The following ZNF138 variants were observed in gnomAD, a reference collection of about 807,000 sequenced individuals.
The protein encoded by ZNF138 is zinc finger protein 138 (clone pHZ-32).
Under a neutral mutation model 33.0 loss-of-function variants are expected in ZNF138, and 33 were observed. That is an observed-to-expected ratio of 1.00 (90% CI 0.76 to 1.34). The LOEUF (loss-of-function observed/expected upper bound fraction) is 1.34. Ranked by LOEUF, ZNF138 falls within the 40% of genes most tolerant of loss-of-function variation. ZNF138 has a pLI of 0.00. For synonymous variants in ZNF138, 139 were observed against 120.4 expected (o/e 1.15, Z -1.01); for missense variants, 360 against 370.8 (o/e 0.97, Z 0.24).
At chr7:64,852,569 C>G in the ZNF138 span, 3 of 1,560,430 alleles carry the variant, frequency 1.9e-6, no homozygotes, top group Non-Finnish European at 2.7e-6. Flanking sequence ...TGCACAGAAC[C>G]GAGCTGTTTG....
the ZNF138 span, among the ~76,000 whole-genome samples, chr7:64,846,239 A>G: frequency 1.3e-5 from 2 of 152,174 alleles, no homozygotes; most frequent in East Asian, 1.9e-4. Flanking sequence ...TGCTTTGGCT[A>G]TGTAAGCTCT....
the ZNF138 span, among the ~76,000 whole-genome samples, chr7:64,848,984 A>G: frequency 6.6e-5 from 10 of 152,124 alleles, no homozygotes; most frequent in East Asian, 3.9e-4. Context: ...GATTACAGGC[A>G]TGAGCCACCA....
chr7:64,804,661 A>G (rs987328966), intron 1 of ZNF138, among the ~76,000 whole-genome samples: 3 of 152,130 alleles, frequency 2.0e-5, no homozygotes, highest in Non-Finnish European at 4.4e-5. Flanking sequence ...CATGCCTGTA[A>G]TCCCAGCTAC....
At chr7:64,842,593 G>A in the ZNF138 span, among the ~76,000 whole-genome samples, 1 of 152,172 alleles carries the variant, frequency 6.6e-6, no homozygotes, top group Non-Finnish European at 1.5e-5. Context: ...TTCTGGAGAT[G>A]ATGGCAACTT....
chr7:64,818,045 T>A (rs922402290), intron 3 of ZNF138, among the ~76,000 whole-genome samples: 11 of 142,102 alleles, frequency 7.7e-5, no homozygotes, highest in African/African-American at 2.9e-4. Context: ...CAGGCTGGAG[T>A]GCAGCAGTAC....
At chr7:64,845,689 T>A in the ZNF138 span, among the ~76,000 whole-genome samples, 1 of 152,378 alleles carries the variant, frequency 6.6e-6, no homozygotes, top group Non-Finnish European at 1.5e-5. Context: ...ATGTTGAGCA[T>A]TTTTTCATAT....
At chr7:64,810,989 T>C (rs573270316) in intron 1 of ZNF138, among the ~76,000 whole-genome samples, 1 of 152,354 alleles carries the variant, frequency 6.6e-6, no homozygotes, top group East Asian at 1.9e-4. Flanking sequence ...CAACCTGTTT[T>C]CTATTCTTGG....
the ZNF138 span, among the ~76,000 whole-genome samples, chr7:64,843,799 C>T: frequency 2.0e-5 from 3 of 151,548 alleles, no homozygotes; most frequent in African/African-American, 7.3e-5. Flanking sequence ...TCTTTTGATT[C>T]CCTGGAATTT....
intron 1 of ZNF138, among the ~76,000 whole-genome samples, chr7:64,809,231 C>A (rs1256246745): frequency 1.1e-5 from 1 of 92,194 alleles, no homozygotes; most frequent in African/African-American, 4.0e-5. Context: ...CCCCACCTCC[C>A]TCCCGGGTGG....
At chr7:64,810,517 G>A (rs1390427098) in intron 1 of ZNF138, among the ~76,000 whole-genome samples, 1 of 150,482 alleles carries the variant, frequency 6.6e-6, no homozygotes, top group Non-Finnish European at 1.5e-5. Context: ...TACTTATTTG[G>A]CTTCCAATAA....
Position 64,794,445 on chromosome 7 carries a change from GCTGCAGGTCT to G in ZNF138, c.-123_-114del. On this transcript the variant is annotated 5_prime_UTR_variant, in exon 1 of 4. Coordinates refer to ENST00000307355, the MANE Select transcript of ZNF138 (RefSeq NM_001271639.2). ...GGGTCTTTGTCTCGCTGCAGCGGGT[GCTGCAGGTCT>G]GGCCTTCACTTTTCTGCGTCCTCTT... 1 of 1,283,120 alleles carries G rather than the reference GCTGCAGGTCT, an allele frequency of 7.8e-7. No individual in the cohort carries two copies. The allele number at this position is 1,283,120 out of a possible 1,614,324, so 79.5% of individuals were successfully genotyped here.
chr7:64,831,223 G>A, intron 3 of ZNF138: 1 of 1,201,336 alleles, frequency 8.3e-7, no homozygotes, highest in Non-Finnish European at 1.2e-6. Context: ...GTGGCTCTTT[G>A]CATTGTGCAA....
the ZNF138 span, among the ~76,000 whole-genome samples, chr7:64,844,879 G>A: frequency 6.6e-6 from 1 of 152,170 alleles, no homozygotes; most frequent in Non-Finnish European, 1.5e-5. Context: ...AAGAGACGGG[G>A]TTTCACCATG....
the ZNF138 span, among the ~76,000 whole-genome samples, chr7:64,860,771 G>A: frequency 1.3e-5 from 2 of 152,092 alleles, no homozygotes; most frequent in Admixed American, 1.3e-4. Context: ...TGACTAAAGT[G>A]AATTCAAGTA....
chr7:64,832,206 C>G lies in ZNF138; in HGVS notation c.*4C>G. The stretch of plus-strand genomic sequence containing the variant: ...CAAAGCTTTTAACCTATCTTAACAA[C>G]TTACTGAACATAAGAAAATTTACAC... On this transcript the variant is annotated 3_prime_UTR_variant, in exon 4 of 4. Coordinates refer to ENST00000307355, the MANE Select transcript of ZNF138 (RefSeq NM_001271639.2). 5 of 1,604,034 alleles carry G rather than the reference C, an allele frequency of 3.1e-6. No homozygotes were observed. The highest frequency in any genetic ancestry group is 4.2e-6 in the Non-Finnish European group (5 of 1,177,104).
chr7:64,839,764 G>A, the ZNF138 span, among the ~76,000 whole-genome samples: 5 of 152,114 alleles, frequency 3.3e-5, no homozygotes, highest in African/African-American at 9.7e-5. Flanking sequence ...GAGTCTTCCC[G>A]AGCCTCTGGG....
the ZNF138 span, chr7:64,852,278 G>C: frequency 1.4e-6 from 1 of 710,604 alleles, no homozygotes. Flanking sequence ...ACTGACCTAA[G>C]GTCACCTGAT....
the ZNF138 span, among the ~76,000 whole-genome samples, chr7:64,840,003 G>A: frequency 6.6e-6 from 1 of 152,064 alleles, no homozygotes; most frequent in East Asian, 1.9e-4. Flanking sequence ...GGTAGGGGCG[G>A]GGTCGGTTGA....
the ZNF138 span, among the ~76,000 whole-genome samples, chr7:64,847,074 CAT>C: frequency 6.6e-6 from 1 of 152,034 alleles, no homozygotes; most frequent in Non-Finnish European, 1.5e-5. Flanking sequence ...ATTGACTCCA[CAT>C]GTTAAACCAT....
Sources: allele counts gnomAD v4.1 joint callset (sites outside exome capture counted in the v4.1 genomes callset), GRCh38; gene constraint gnomAD v4.1.1; transcripts MANE v1.5; gene names NCBI Gene and HGNC (gene_info 2026-07-23, HGNC 2026-07-21).